AMPH: variants seen among roughly 807,000 people sequenced by gnomAD.
AMPH encodes amphiphysin.
In AMPH, 49 loss-of-function variants were observed where a neutral mutation model predicts 99.1. The observed-to-expected ratio is 0.49, with a 90% CI of 0.39 to 0.63. AMPH has a LOEUF of 0.63. AMPH is among the 20% of genes least tolerant of loss of function. The probability of loss-of-function intolerance (pLI) is 0.00; values close to 1 mark genes in which losing one functional copy is unlikely to be tolerated. For synonymous variants in AMPH, 314 were observed against 317.3 expected (o/e 0.99, Z 0.11); for missense variants, 759 against 863.4 (o/e 0.88, Z 1.52).
At chr7:38,460,855 G>A (rs908777269) in intron 11 of AMPH, among the ~76,000 whole-genome samples, 1 of 152,122 alleles carries the variant, frequency 6.6e-6, no homozygotes, top group South Asian at 2.1e-4. Flanking sequence ...TAGAAGAGAC[G>A]ACTTGAAATG....
At chr7:38,624,553 A>G (rs1300031225) in intron 1 of AMPH, among the ~76,000 whole-genome samples, 1 of 151,906 alleles carries the variant, frequency 6.6e-6, no homozygotes. Context: ...TGGTAAAAAA[A>G]AAAAAAAAAA....
intron 3 of AMPH, among the ~76,000 whole-genome samples, chr7:38,501,611 A>G (rs1465124755): frequency 2.0e-5 from 3 of 152,092 alleles, no homozygotes; most frequent in East Asian, 3.8e-4. Context: ...TTTAAAAATC[A>G]ATTTTGCTAA....
At chr7:38,585,838 G>A (rs974161600) in intron 1 of AMPH, among the ~76,000 whole-genome samples, 1 of 152,124 alleles carries the variant, frequency 6.6e-6, no homozygotes, top group Non-Finnish European at 1.5e-5. Context: ...TTCTTCTGAT[G>A]GGAACATTAA....
At chr7:38,418,776 G>C (rs1040330332) in intron 16 of AMPH, among the ~76,000 whole-genome samples, 2 of 152,124 alleles carry the variant, frequency 1.3e-5, no homozygotes, top group Non-Finnish European at 2.9e-5. Flanking sequence ...TGTAGGCAGG[G>C]TGAGGTCTTT....
intron 1 of AMPH, among the ~76,000 whole-genome samples, chr7:38,586,229 A>C (rs916409705): frequency 1.3e-5 from 2 of 152,158 alleles, no homozygotes; most frequent in Non-Finnish European, 2.9e-5. Context: ...GAACAGTATA[A>C]AGAACCCCCA....
At chr7:38,587,916 G>C (rs67320272) in intron 1 of AMPH, among the ~76,000 whole-genome samples, 2,589 of 38,162 alleles carry the variant, frequency 0.068, 40 homozygotes, top group African/African-American at 0.1. Context: ...ATTAATTACT[G>C]TGTGTGTGTG....
chr7:38,429,029 C>T, intron 14 of AMPH: 1 of 1,290,334 alleles, frequency 7.7e-7, no homozygotes. Context: ...CTTCTAGTGT[C>T]TTGATATCAA....
intron 12 of AMPH, 84 bp from the exon 13 acceptor site, chr7:38,432,296 C>A: frequency 7.8e-7 from 1 of 1,286,194 alleles, no homozygotes; most frequent in South Asian, 1.2e-5. Flanking sequence ...TTCTTGAAAT[C>A]ATAAGCATTT....
At chr7:38,400,562 C>A (rs1784813282) in intron 17 of AMPH, among the ~76,000 whole-genome samples, 1 of 152,136 alleles carries the variant, frequency 6.6e-6, no homozygotes, top group Admixed American at 6.5e-5. Context: ...AATAGGGAAA[C>A]ACAACTGGGT....
At chr7:38,417,675 G>C (rs1785430546) in intron 17 of AMPH, 150 bp downstream of exon 17, 1 of 1,001,824 alleles carries the variant, frequency 1.0e-6, no homozygotes, top group South Asian at 1.6e-5. Context: ...AAGAGAACAG[G>C]CATGAAGGCT....
At chr7:38,512,043 T>C (rs528628766) in intron 2 of AMPH, among the ~76,000 whole-genome samples, 3 of 152,336 alleles carry the variant, frequency 2.0e-5, no homozygotes, top group South Asian at 2.1e-4. Context: ...GTGATGGTTA[T>C]TGGGAAACTT....
At chr7:38,463,162 T>C (rs1167095937) in intron 9 of AMPH, 49 bp from the exon 10 acceptor site, 2 of 1,612,944 alleles carry the variant, frequency 1.2e-6, no homozygotes, top group Non-Finnish European at 1.7e-6. Context: ...AGAACAGTAT[T>C]CATCTAATCA....
In AMPH at chr7:38,574,319, C is replaced by T. The variant is rs114196757; in HGVS notation, c.70-39308G>A. On this transcript the variant is annotated intron_variant, in intron 1 of 20. Coordinates refer to ENST00000356264, the MANE Select transcript of AMPH (RefSeq NM_001635.4). ...GAGAGGTGATTTATCAAAACCTCTC[C>T]ACTGGAGACTTCTGCTCCCCACGGC... 9.3e-3 allele frequency among the ~76,000 whole-genome samples: 1,423 copies of T among 152,292 alleles called. 19 individuals are homozygous for T. Among genetic ancestry groups the T allele is most frequent in the African/African-American group, 0.032 (1,324 of 41,550 alleles).
intron 2 of AMPH, among the ~76,000 whole-genome samples, chr7:38,513,328 C>A (rs568567819): frequency 1.3e-5 from 2 of 152,252 alleles, no homozygotes; most frequent in East Asian, 3.9e-4. Context: ...TACTATTTAG[C>A]AAGCTATGTG....
chr7:38,399,777 T>C (rs1325404415), intron 17 of AMPH, among the ~76,000 whole-genome samples: 1 of 152,202 alleles, frequency 6.6e-6, no homozygotes, highest in East Asian at 1.9e-4. Flanking sequence ...CTATCAAATG[T>C]TTCTCTTCAC....
At chr7:38,508,440 T>C (rs1789414882) in intron 2 of AMPH, among the ~76,000 whole-genome samples, 1 of 152,202 alleles carries the variant, frequency 6.6e-6, no homozygotes, top group Admixed American at 6.5e-5. Flanking sequence ...TAAGTAACTT[T>C]TGTTATAAAA....
chr7:38,492,779 T>C (rs556151316), intron 4 of AMPH, among the ~76,000 whole-genome samples: 3 of 151,972 alleles, frequency 2.0e-5, no homozygotes, highest in Non-Finnish European at 4.4e-5. Flanking sequence ...ATAGTGACCT[T>C]TGCCACACAT....
chr7:38,429,640 T>G, intron 14 of AMPH: 1 of 1,407,896 alleles, frequency 7.1e-7, no homozygotes, highest in Non-Finnish European at 9.4e-7. Context: ...CAGAACATGG[T>G]AAGATTTGAT....
intron 13 of AMPH, among the ~76,000 whole-genome samples, chr7:38,430,993 A>G (rs1785997640): frequency 6.6e-6 from 1 of 152,246 alleles, no homozygotes; most frequent in South Asian, 2.1e-4. Flanking sequence ...TCACAATAAA[A>G]GAAGAAAACA....
Sources: gnomAD v4.1 joint callset for allele counts (sites outside exome capture counted in the v4.1 genomes callset) on GRCh38, gnomAD v4.1.1 for gene constraint, MANE v1.5 for transcripts, NCBI Gene and HGNC (gene_info 2026-07-23, HGNC 2026-07-21) for gene names.